The following PRKCA variants were observed in gnomAD, a reference collection of about 807,000 sequenced individuals.
PRKCA encodes the protein protein kinase C alpha type.
Under a neutral mutation model 87.0 loss-of-function variants are expected in PRKCA, and 27 were observed. The observed-to-expected ratio is 0.31, with a 90% CI of 0.23 to 0.43. The LOEUF (loss-of-function observed/expected upper bound fraction) is 0.43, where lower values mean the gene tolerates loss of function less well. Ranked by LOEUF, PRKCA falls within the 20% of genes least tolerant of loss-of-function variation. The pLI is 1.00. For missense variants in PRKCA, 518 were observed against 852.3 expected, an observed-to-expected ratio of 0.61 and a Z score of 4.88; for synonymous variants, 329 against 311.1, an observed-to-expected ratio of 1.06 and a Z score of -0.61.
At chr17:66,731,313 C>T (rs542951937) in intron 8 of PRKCA, among the ~76,000 whole-genome samples, 2 of 147,120 alleles carry the variant, frequency 1.4e-5, no homozygotes, top group South Asian at 2.1e-4. Context: ...CACTGCACTG[C>T]GCTTCAGCCT....
At chr17:66,357,579 C>T (rs183191789) in intron 2 of PRKCA, among the ~76,000 whole-genome samples, 2 of 152,248 alleles carry the variant, frequency 1.3e-5, no homozygotes, top group African/African-American at 2.4e-5. Flanking sequence ...TGAATACTGG[C>T]GCTACTTGTT....
Position 66,620,694 on chromosome 17 carries a change from AGT to A in PRKCA, c.289-20659_289-20658del, listed in dbSNP as rs547454103. Among the ~76,000 whole-genome samples, 219 of 152,336 alleles carry A rather than the reference AGT, an allele frequency of 1.4e-3. 2 individuals carry two copies. The highest frequency in any genetic ancestry group is 9.6e-4 in the Non-Finnish European group (65 of 68,026). ...CGAGTGATTCTATCTAAGAAGTCAA[AGT>A]GAACACAGTGAATAGTTTGCATCCC... On this transcript the variant is annotated intron_variant, in intron 3 of 16. Coordinates refer to ENST00000413366, the MANE Select transcript of PRKCA (RefSeq NM_002737.3).
At chr17:66,468,874 C>G (rs1915202667) in intron 2 of PRKCA, among the ~76,000 whole-genome samples, 1 of 152,196 alleles carries the variant, frequency 6.6e-6, no homozygotes, top group African/African-American at 2.4e-5. Context: ...GCAATCCTCT[C>G]TATTTCCCCT....
intron 3 of PRKCA, among the ~76,000 whole-genome samples, chr17:66,592,209 G>T (rs1166903523): frequency 6.6e-6 from 1 of 151,822 alleles, no homozygotes; most frequent in African/African-American, 2.4e-5. Flanking sequence ...ACAAAAATTA[G>T]CCGGGCATGG....
chr17:66,738,920 T>TA, intron 11 of PRKCA, 65 bp downstream of exon 11: 2 of 1,333,978 alleles, frequency 1.5e-6, no homozygotes, highest in East Asian at 2.4e-5. Context: ...AAACTTCCTT[T>TA]TTTCCCCCCC....
intron 2 of PRKCA, among the ~76,000 whole-genome samples, chr17:66,477,325 CA>C (rs1303775720): frequency 1.3e-5 from 2 of 152,152 alleles, no homozygotes; most frequent in Non-Finnish European, 2.9e-5. Context: ...AAATGTTAGC[CA>C]GGGGCGTTGC....
At chr17:66,789,089 A>G (rs543314197) in intron 16 of PRKCA, 110 bp downstream of exon 16, 2 of 1,358,804 alleles carry the variant, frequency 1.5e-6, no homozygotes, top group Admixed American at 2.4e-5. Context: ...TGGCTTGTAC[A>G]GGGTGAGGAA....
chr17:66,587,848 C>T lies in PRKCA; in HGVS notation c.289-53507C>T, dbSNP rs1477815933. On this transcript the variant is annotated intron_variant, in intron 3 of 16. Coordinates refer to ENST00000413366, the MANE Select transcript of PRKCA (RefSeq NM_002737.3). ...ATATATACGTATATGTGTGTATCTA[C>T]ATATACATATATACATATGTATGTG... Among the ~76,000 whole-genome samples, 6 of 86,872 alleles carry T rather than the reference C, an allele frequency of 6.9e-5. 1 individual carries two copies. Among genetic ancestry groups the T allele is most frequent in the East Asian group, 2.8e-4 (1 of 3,574 alleles). The allele number at this position is 86,872 out of a possible 152,430, so 57.0% of individuals were successfully genotyped here. A position where few individuals can be genotyped will look rare whatever the true frequency, so the allele number is the denominator to read the frequency against.
intron 3 of PRKCA, among the ~76,000 whole-genome samples, chr17:66,550,612 G>A (rs1968296062): frequency 6.7e-6 from 1 of 150,272 alleles, no homozygotes; most frequent in Non-Finnish European, 1.5e-5. Context: ...TCGTGCCACT[G>A]CACTCCAGCC....
intron 2 of PRKCA, among the ~76,000 whole-genome samples, chr17:66,368,633 C>T (rs1598619940): frequency 6.6e-6 from 1 of 151,714 alleles, no homozygotes; most frequent in South Asian, 2.1e-4. Flanking sequence ...CTCAAGTAAT[C>T]TGCCCACCCC....
chr17:66,499,362 G>T (rs1916623458), intron 3 of PRKCA, among the ~76,000 whole-genome samples: 1 of 152,104 alleles, frequency 6.6e-6, no homozygotes, highest in Admixed American at 6.5e-5. Context: ...TTCCTAAGGG[G>T]CTATAGGCCA....
At chr17:66,338,279 T>C (rs1260984832) in intron 2 of PRKCA, among the ~76,000 whole-genome samples, 2 of 152,140 alleles carry the variant, frequency 1.3e-5, no homozygotes, top group Non-Finnish European at 2.9e-5. Context: ...TTGTCACTAC[T>C]CATTTCTGCC....
intron 2 of PRKCA, among the ~76,000 whole-genome samples, chr17:66,339,451 C>G (rs1360423583): frequency 1.3e-5 from 2 of 152,058 alleles, no homozygotes; most frequent in African/African-American, 2.4e-5. Context: ...ATTTTTTTAA[C>G]CACTCTGAAG....
chr17:66,505,163 C>T (rs1916918240), intron 3 of PRKCA, among the ~76,000 whole-genome samples: 1 of 152,142 alleles, frequency 6.6e-6, no homozygotes. Flanking sequence ...AGAAGTATTT[C>T]CTACAAGGGA....
intron 5 of PRKCA, among the ~76,000 whole-genome samples, chr17:66,646,798 A>G (rs1447336273): frequency 2.6e-5 from 4 of 152,216 alleles, no homozygotes; most frequent in African/African-American, 9.6e-5. Context: ...AAGGATTCCA[A>G]GGTATCACTG....
At position 66,787,638 on chromosome 17, in the gene PRKCA, G is replaced by A. The variant is rs186619711; in HGVS notation, c.1713+664G>A. On this transcript the variant is annotated intron_variant, in intron 15 of 16. Coordinates refer to ENST00000413366, the MANE Select transcript of PRKCA (RefSeq NM_002737.3). Reference sequence around the variant, plus strand: ...ATCTTCACAAAATGAATCCACCCATGTAATTGCACCCAGCTCAAGAAACCA... The same window carrying A: ...ATCTTCACAAAATGAATCCACCCATATAATTGCACCCAGCTCAAGAAACCA... Among the ~76,000 whole-genome samples, 334 of 152,288 alleles carry A rather than the reference G, an allele frequency of 2.2e-3. 4 individuals carry two copies. The highest frequency in any genetic ancestry group is 7.3e-3 in the African/African-American group (303 of 41,552).
At position 66,709,301 on chromosome 17, in the gene PRKCA, C is replaced by CTTTTTT. The variant is rs552633887; in HGVS notation, c.918+20276_918+20281dup. On this transcript the variant is annotated intron_variant, in intron 8 of 16. Coordinates refer to ENST00000413366, the MANE Select transcript of PRKCA (RefSeq NM_002737.3). ...AGAGAAGTCTCTTTTGAGATGATTT[C>CTTTTTT]TTTTTTTTTTTTTTTTTTTTTTTTT... 3.8e-4 allele frequency among the ~76,000 whole-genome samples: 32 copies of CTTTTTT among 84,900 alleles called. 2 individuals are homozygous for CTTTTTT. Among genetic ancestry groups the CTTTTTT allele is most frequent in the East Asian group, 1.2e-3 (3 of 2,578 alleles). The allele number at this position is 84,900 out of a possible 152,430, so 55.7% of individuals were successfully genotyped here. A position where few individuals can be genotyped will look rare whatever the true frequency, so the allele number is the denominator to read the frequency against.
intron 3 of PRKCA, among the ~76,000 whole-genome samples, chr17:66,518,803 G>A (rs1967058320): frequency 6.6e-6 from 1 of 152,088 alleles, no homozygotes; most frequent in Non-Finnish European, 1.5e-5. Context: ...AAGCCTTTTT[G>A]TACTCTCCTC....
chr17:66,485,499 C>T (rs916521276), intron 2 of PRKCA, among the ~76,000 whole-genome samples: 4 of 152,170 alleles, frequency 2.6e-5, no homozygotes, highest in African/African-American at 9.7e-5. Context: ...ATTTGCATTA[C>T]GTGAGAATCG....
Sources: allele counts gnomAD v4.1 joint callset (sites outside exome capture counted in the v4.1 genomes callset), GRCh38; gene constraint gnomAD v4.1.1; transcripts MANE v1.5; gene names NCBI Gene and HGNC (gene_info 2026-07-23, HGNC 2026-07-21).